The following STON2 variants were observed in gnomAD, a reference collection of about 807,000 sequenced individuals.
STON2 encodes the protein stonin-2.
Under a neutral mutation model 65.7 loss-of-function variants are expected in STON2, and 29 were observed. The ratio of observed to expected loss-of-function variants is 0.44; its 90% CI spans 0.33 to 0.60. The LOEUF is 0.60. Ranked by LOEUF, STON2 falls within the 20% of genes least tolerant of loss-of-function variation. The pLI, the probability that STON2 is intolerant of heterozygous loss-of-function variation, is 0.03. For synonymous variants in STON2, 404 were observed against 414.2 expected (o/e 0.98, Z 0.30); for missense variants, 1,054 against 1,118.1 (o/e 0.94, Z 0.82).
At chr14:81,420,617 C>T (rs755307830) in intron 2 of STON2, among the ~76,000 whole-genome samples, 1 of 152,084 alleles carries the variant, frequency 6.6e-6, no homozygotes, top group Non-Finnish European at 1.5e-5. Flanking sequence ...AGGAGTGACA[C>T]CTAGCCCAAT....
At chr14:81,290,063 A>G (rs1165125537) in intron 5 of STON2, among the ~76,000 whole-genome samples, 1 of 152,188 alleles carries the variant, frequency 6.6e-6, no homozygotes, top group Non-Finnish European at 1.5e-5. Flanking sequence ...CTAAAGTCCT[A>G]CAGATCAGTA....
At chr14:81,351,868 CCA>C (rs1459750541) in intron 4 of STON2, among the ~76,000 whole-genome samples, 2 of 152,168 alleles carry the variant, frequency 1.3e-5, no homozygotes, top group Non-Finnish European at 2.9e-5. Context: ...GGCATTAGAT[CCA>C]CAGAGTCTGT....
At chr14:81,324,811 C>T (rs1376091651) in intron 4 of STON2, among the ~76,000 whole-genome samples, 1 of 152,176 alleles carries the variant, frequency 6.6e-6, no homozygotes, top group Non-Finnish European at 1.5e-5. Flanking sequence ...TGAAATGAAG[C>T]CTTTCACAAA....
At chr14:81,270,057 C>A (rs1458547148) in intron 7 of STON2, 1 of 982,234 alleles carries the variant, frequency 1.0e-6, no homozygotes, top group Non-Finnish European at 1.2e-6. Context: ...AATTATATTG[C>A]AAATGAATAA....
Position 81,328,469 on chromosome 14 carries a change from C to G in STON2, c.572-4282G>C, listed in dbSNP as rs77497331. ...ACTCAACTATATCTACAGAGAGGTA[C>G]GAAGACATCAATTTTCTCCAAAAGA... On this transcript the variant is annotated intron_variant, in intron 4 of 7. Coordinates refer to ENST00000614646, the MANE Select transcript of STON2 (RefSeq NM_001394390.1). Among the ~76,000 whole-genome samples, 88 of 152,188 alleles carry G rather than the reference C, an allele frequency of 5.8e-4. 3 individuals are homozygous for G. The East Asian group carries it at 0.017, about 29-fold the overall frequency.
At chr14:81,286,116 C>G (rs1310193001) in intron 5 of STON2, among the ~76,000 whole-genome samples, 1 of 150,952 alleles carries the variant, frequency 6.6e-6, no homozygotes, top group African/African-American at 2.4e-5. Context: ...CCACTGCACT[C>G]CAGCCTGGGT....
chr14:81,266,053 G>T lies in STON2; in HGVS notation c.*2361C>A. On this transcript the variant is annotated 3_prime_UTR_variant, in exon 8 of 8. Transcript: ENST00000614646. ...ACAAAAACCTCAAAGGAACTCCACTGTATTTCAAAGAGCATGAAAAACCAC... is the reference window on the plus strand; with the variant it reads ...ACAAAAACCTCAAAGGAACTCCACTTTATTTCAAAGAGCATGAAAAACCAC... 1 of 985,390 alleles carries T rather than the reference G, an allele frequency of 1.0e-6. No individual in the cohort carries two copies. The highest frequency in any genetic ancestry group is 1.2e-6 in the Non-Finnish European group (1 of 829,922). 61.0% of individuals were successfully genotyped at this position (985,390 alleles called of 1,614,324 possible).
At position 81,371,225 on chromosome 14, in the gene STON2, A is replaced by G. The variant is rs201752586; in HGVS notation, c.374-40T>C. 5.3e-4 allele frequency: 839 copies of G among 1,574,168 alleles called. 11 individuals are homozygous for G. The highest frequency in any genetic ancestry group is 4.6e-3 in the South Asian group (413 of 89,428). ...AAAACCAAAAGCATACAATATAAAT[A>G]GTTGTACTTTGTTTATCTTTAGTGC... On this transcript the variant is annotated intron_variant, in intron 3 of 7. Transcript: ENST00000614646.
At chr14:81,306,811 A>G (rs1896202293) in intron 5 of STON2, 1 of 152,224 alleles carries the variant, frequency 6.6e-6, no homozygotes, top group Non-Finnish European at 1.5e-5. Context: ...TAAAGCAGAC[A>G]ATTAAAAAAA....
chr14:81,398,680 C>T (rs1282121053), intron 1 of STON2, 100 bp from the exon 2 acceptor site: 1 of 253,026 alleles, frequency 4.0e-6, no homozygotes, highest in Non-Finnish European at 7.5e-6. Context: ...CACAAGAAGG[C>T]TTGGGGTGGT....
upstream of STON2, among the ~76,000 whole-genome samples, chr14:81,401,053 T>G (rs147683025): frequency 5.3e-4 from 80 of 152,328 alleles, 2 homozygotes; most frequent in South Asian, 0.012. Flanking sequence ...CTGCTGCTAT[T>G]GTTAAATGAC....
intron 2 of STON2, among the ~76,000 whole-genome samples, chr14:81,405,668 G>A (rs1018409099): frequency 2.0e-5 from 3 of 151,966 alleles, no homozygotes; most frequent in African/African-American, 7.3e-5. Flanking sequence ...ATAAAGCTTG[G>A]TCTTTTACTT....
intron 4 of STON2, among the ~76,000 whole-genome samples, chr14:81,359,160 A>G (rs1008003845): frequency 1.1e-4 from 17 of 152,344 alleles, no homozygotes; most frequent in Middle Eastern, 6.8e-3. Context: ...GTCTTATTAA[A>G]TTAGAGAAGA....
At chr14:81,410,277 CCAA>C (rs1901085517) in intron 2 of STON2, among the ~76,000 whole-genome samples, 1 of 38,972 alleles carries the variant, frequency 2.6e-5, no homozygotes, top group East Asian at 8.7e-4. Flanking sequence ...GTAACTCTAA[CCAA>C]AAAAAAAAAA....
In STON2 at chr14:81,268,263, A is replaced by C; in HGVS notation, c.*151T>G. On this transcript the variant is annotated 3_prime_UTR_variant, in exon 8 of 8. Transcript: ENST00000614646. Reference sequence around the variant, plus strand: ...TTCCTGGTAAAATACAAGTAACTGCAAACAGGAAGATCTGGTATACTGTTC... The same window carrying C: ...TTCCTGGTAAAATACAAGTAACTGCCAACAGGAAGATCTGGTATACTGTTC... The C allele has an allele frequency of 8.7e-7, 1 of 1,152,504 alleles. No individual in the cohort carries two copies. Among genetic ancestry groups the C allele is most frequent in the Non-Finnish European group, 1.1e-6 (1 of 924,508 alleles). 71.4% of individuals were successfully genotyped at this position (1,152,504 alleles called of 1,614,324 possible). A position where few individuals can be genotyped will look rare whatever the true frequency, so the allele number is the denominator to read the frequency against.
intron 4 of STON2, among the ~76,000 whole-genome samples, chr14:81,348,320 A>T (rs1897895960): frequency 1.3e-5 from 2 of 152,146 alleles, no homozygotes; most frequent in African/African-American, 4.8e-5. Context: ...AGGAAGTAAA[A>T]TTGTTCCTCT....
chr14:81,416,815 T>C (rs908110438), intron 2 of STON2, among the ~76,000 whole-genome samples: 5 of 152,154 alleles, frequency 3.3e-5, no homozygotes, highest in African/African-American at 1.2e-4. Flanking sequence ...GGTCTGGTTT[T>C]ATCTAATTTA....
At chr14:81,311,431 G>A (rs373765361) in intron 5 of STON2, among the ~76,000 whole-genome samples, 23 of 152,254 alleles carry the variant, frequency 1.5e-4, no homozygotes, top group African/African-American at 5.1e-4. Context: ...GAAAAGAAAA[G>A]GCTGAATATC....
intron 6 of STON2, among the ~76,000 whole-genome samples, chr14:81,272,011 C>T (rs1894617110): frequency 6.6e-6 from 1 of 152,088 alleles, no homozygotes; most frequent in Admixed American, 6.5e-5. Context: ...ATCACGAGGT[C>T]AGGAGATCGA....
Sources: gnomAD v4.1 joint callset for allele counts (sites outside exome capture counted in the v4.1 genomes callset) on GRCh38, gnomAD v4.1.1 for gene constraint, MANE v1.5 for transcripts, NCBI Gene and HGNC (gene_info 2026-07-23, HGNC 2026-07-21) for gene names.